Variants in GXYLT1 observed in about 807,000 individuals in gnomAD.
GXYLT1 encodes the protein glucoside xylosyltransferase 1.
A neutral mutation model predicts 54.0 loss-of-function variants in GXYLT1; 29 were observed. The ratio of observed to expected loss-of-function variants is 0.54; its 90% CI spans 0.40 to 0.73. The LOEUF (loss-of-function observed/expected upper bound fraction) is 0.73, where lower values mean the gene tolerates loss of function less well. Among genes scored for constraint, GXYLT1 ranks in the 30% least tolerant of loss-of-function variants. GXYLT1 has a pLI of 0.00. For missense variants in GXYLT1, 490 were observed against 553.4 expected (o/e 0.89, Z 1.15); for synonymous variants, 176 against 204.1 (o/e 0.86, Z 1.17).
chr12:42,139,775 G>A (rs1460115528), intron 1 of GXYLT1, among the ~76,000 whole-genome samples: 1 of 152,148 alleles, frequency 6.6e-6, no homozygotes, highest in Non-Finnish European at 1.5e-5. Flanking sequence ...CTGGTTTTAT[G>A]TAAGATGTTT....
intron 1 of GXYLT1, among the ~76,000 whole-genome samples, chr12:42,140,624 T>C (rs1267051770): frequency 6.6e-6 from 1 of 152,192 alleles, no homozygotes; most frequent in African/African-American, 2.4e-5. Context: ...TTCTATTCTT[T>C]AAGTTCTCAG....
At position 42,137,683 on chromosome 12, in the gene GXYLT1, G is replaced by T. The variant is rs796638749; in HGVS notation, c.221+6743C>A. Among the ~76,000 whole-genome samples, 107 of 151,066 alleles carry T rather than the reference G, an allele frequency of 7.1e-4. 1 individual carries two copies. Among genetic ancestry groups the T allele is most frequent in the African/African-American group, 2.5e-3 (103 of 41,018 alleles). ...GAGGCAGGAGAATGGCGTGAACCCGGGAGGCGGAGCTTGCCTTGAGCCGAG... is the reference window on the plus strand; with the variant it reads ...GAGGCAGGAGAATGGCGTGAACCCGTGAGGCGGAGCTTGCCTTGAGCCGAG... On this transcript the variant is annotated intron_variant, in intron 1 of 7. Coordinates refer to ENST00000398675, the MANE Select transcript of GXYLT1 (RefSeq NM_173601.2).
At chr12:42,125,442 C>T (rs577650487) in intron 2 of GXYLT1, among the ~76,000 whole-genome samples, 1 of 152,240 alleles carries the variant, frequency 6.6e-6, no homozygotes, top group African/African-American at 2.4e-5. Flanking sequence ...TGTGACTATT[C>T]AGGGAATGGG....
rs751753838 is a variant in GXYLT1, at chr12:42,119,128, C to A, written c.358G>T (p.Val120Leu). The change falls in exon 3 of 8, where the codon GTA becomes TTA. Residue 120 changes from valine to leucine, a missense_variant. By Grantham distance (32) the Val-to-Leu change is conservative (BLOSUM62 1). Around this residue, in one of 2 missense-constraint regions of GXYLT1, gnomAD observed 148 missense variants for 210.7 expected, o/e 0.70. Coordinates refer to ENST00000398675, the MANE Select transcript of GXYLT1 (RefSeq NM_173601.2). Reference sequence around the variant, plus strand: ...TCCAGTCTTTCACCACAGGCAACTACAGCTAGATGCATTTTCTCAACAGGC... The same window carrying A: ...TCCAGTCTTTCACCACAGGCAACTAAAGCTAGATGCATTTTCTCAACAGGC... ...IQPVEKMHLA[V>L]VACGERLEET... The A allele has an allele frequency of 1.2e-6, 2 of 1,613,990 alleles. No homozygotes were observed. The highest frequency in any genetic ancestry group is 1.7e-6 in the Non-Finnish European group (2 of 1,179,806).
intron 5 of GXYLT1, among the ~76,000 whole-genome samples, chr12:42,104,686 T>C (rs1592107514): frequency 6.6e-6 from 1 of 151,784 alleles, no homozygotes; most frequent in Admixed American, 6.6e-5. Flanking sequence ...ATACCAAAGG[T>C]AAGAGGAAAC....
intron 1 of GXYLT1, among the ~76,000 whole-genome samples, chr12:42,137,152 AC>A (rs1446938146): frequency 2.6e-5 from 4 of 152,256 alleles, no homozygotes; most frequent in African/African-American, 9.6e-5. Flanking sequence ...TGCAAAACTT[AC>A]CAAAGAGTCA....
At chr12:42,126,005 C>T (rs898975818) in intron 2 of GXYLT1, among the ~76,000 whole-genome samples, 5 of 151,250 alleles carry the variant, frequency 3.3e-5, no homozygotes, top group Non-Finnish European at 7.4e-5. Context: ...CCAGCCTGGG[C>T]GACAAAGTGA....
At chr12:42,101,429 C>T (rs2065389309) in intron 5 of GXYLT1, among the ~76,000 whole-genome samples, 2 of 152,128 alleles carry the variant, frequency 1.3e-5, no homozygotes, top group South Asian at 4.1e-4. Flanking sequence ...CATCCATTCT[C>T]CACATCATAC....
chr12:42,103,470 T>C (rs977424317), intron 5 of GXYLT1, among the ~76,000 whole-genome samples: 1 of 152,208 alleles, frequency 6.6e-6, no homozygotes, highest in Non-Finnish European at 1.5e-5. Context: ...GTAACTCAGT[T>C]ATATTGCTAA....
In GXYLT1 at chr12:42,144,286, G is replaced by A; in HGVS notation, c.221+140C>T. 4 of 446,566 alleles carry A rather than the reference G, an allele frequency of 9.0e-6. No individual in the cohort carries two copies. In the South Asian group the frequency reaches 1.5e-4, roughly 17 times the overall value. The allele number at this position is 446,566 out of a possible 1,614,324, so 27.7% of individuals were successfully genotyped here. On this transcript the variant is annotated intron_variant, in intron 1 of 7. Coordinates refer to ENST00000398675, the MANE Select transcript of GXYLT1 (RefSeq NM_173601.2). Reference sequence around the variant, plus strand: ...GGTTTAGCCCCGGCCGGAGGGGAAGGAGGGAAATGAGTGAGGGGTCAGAGA... The same window carrying A: ...GGTTTAGCCCCGGCCGGAGGGGAAGAAGGGAAATGAGTGAGGGGTCAGAGA...
At chr12:42,108,018 C>T (rs1396697797) in intron 4 of GXYLT1, among the ~76,000 whole-genome samples, 2 of 152,008 alleles carry the variant, frequency 1.3e-5, no homozygotes, top group Non-Finnish European at 2.9e-5. Context: ...AGAAACTCAG[C>T]AAAAAAGTTT....
intron 2 of GXYLT1, among the ~76,000 whole-genome samples, chr12:42,122,418 C>T (rs147059210): frequency 0.024 from 3,657 of 151,954 alleles, 144 homozygotes; most frequent in African/African-American, 0.084. Flanking sequence ...GGCGAAACCC[C>T]GTCTCTATTA....
intron 1 of GXYLT1, among the ~76,000 whole-genome samples, chr12:42,138,298 TAAAC>T (rs533094747): frequency 2.3e-3 from 349 of 152,230 alleles, no homozygotes; most frequent in South Asian, 0.011. Context: ...AATAAATAAA[TAAAC>T]AAACAAACAA....
chr12:42,094,504 C>T (rs1189439084), intron 7 of GXYLT1, among the ~76,000 whole-genome samples: 11 of 151,614 alleles, frequency 7.3e-5, no homozygotes, highest in Admixed American at 6.6e-4. Flanking sequence ...ATAAAAAATA[C>T]ATATGTTAGC....
chr12:42,123,952 G>GA (rs770173569), intron 2 of GXYLT1, among the ~76,000 whole-genome samples: 4,050 of 115,658 alleles, frequency 0.035, 167 homozygotes, highest in African/African-American at 0.12. Context: ...CTAAAAGAAA[G>GA]AAAAAAAAAA....
intron 1 of GXYLT1, among the ~76,000 whole-genome samples, chr12:42,136,785 T>A (rs560347644): frequency 6.6e-6 from 1 of 151,438 alleles, no homozygotes; most frequent in African/African-American, 2.4e-5. Context: ...CATACATACA[T>A]ACAAACAAAC....
chr12:42,137,743 C>T (rs1388237734), intron 1 of GXYLT1, among the ~76,000 whole-genome samples: 1 of 119,794 alleles, frequency 8.3e-6, no homozygotes, highest in African/African-American at 3.5e-5. Flanking sequence ...AGTGACAGAG[C>T]GAGACTCCAT....
At chr12:42,140,659 T>C (rs1426519801) in intron 1 of GXYLT1, among the ~76,000 whole-genome samples, 1 of 152,122 alleles carries the variant, frequency 6.6e-6, no homozygotes, top group Non-Finnish European at 1.5e-5. Flanking sequence ...ATTCCCAGGA[T>C]CCAGCAGAAA....
chr12:42,097,773 A>G (rs2065364661), intron 6 of GXYLT1, 137 bp downstream of exon 6: 1 of 1,003,580 alleles, frequency 1.0e-6, no homozygotes, highest in Non-Finnish European at 1.4e-6. Flanking sequence ...AAATTCAAGA[A>G]AAGTTTTACT....
Sources: gnomAD v4.1 joint callset for allele counts (sites outside exome capture counted in the v4.1 genomes callset) on GRCh38, gnomAD v4.1.1 for gene constraint, gnomAD v4.1.1 regional missense constraint, MANE v1.5 for transcripts, NCBI Gene and HGNC (gene_info 2026-07-23, HGNC 2026-07-21) for gene names.